DYNC1I1: variants seen among roughly 807,000 people sequenced by gnomAD.
DYNC1I1 encodes cytoplasmic dynein 1 intermediate chain 1.
In DYNC1I1, 43 loss-of-function variants were observed where a neutral mutation model predicts 86.6. The ratio of observed to expected loss-of-function variants is 0.50; its 90% CI spans 0.39 to 0.64. DYNC1I1 has a LOEUF of 0.64. Ranked by LOEUF, DYNC1I1 falls within the 30% of genes least tolerant of loss-of-function variation. The probability of loss-of-function intolerance (pLI) is 0.00; values close to 1 mark genes in which losing one functional copy is unlikely to be tolerated. For missense variants in DYNC1I1, 604 were observed against 788.8 expected, an observed-to-expected ratio of 0.77 and a Z score of 2.81; for synonymous variants, 262 against 283.7, an observed-to-expected ratio of 0.92 and a Z score of 0.77.
rs140823223 is a variant in DYNC1I1 at position 95,933,651 on chromosome 7, A to G, written c.491-43861A>G. On this transcript the variant is annotated intron_variant, in intron 6 of 16. Coordinates refer to ENST00000447467, the MANE Select transcript of DYNC1I1 (RefSeq NM_001135556.2). Reference sequence around the variant, plus strand: ...CATTTCTGTTCATGATAGACACACCATTTGAATCCAAACCCTTGCAGAGGT... The same window carrying G: ...CATTTCTGTTCATGATAGACACACCGTTTGAATCCAAACCCTTGCAGAGGT... Among the ~76,000 whole-genome samples the G allele has an allele frequency of 7.2e-3, 1,090 of 152,248 alleles. 14 individuals are homozygous for G. The highest frequency in any genetic ancestry group is 0.024 in the African/African-American group (1,014 of 41,548).
At chr7:95,902,955 A>G (rs1382324196) in intron 6 of DYNC1I1, among the ~76,000 whole-genome samples, 1 of 152,182 alleles carries the variant, frequency 6.6e-6, no homozygotes, top group African/African-American at 2.4e-5. Flanking sequence ...TAGTTGGTCC[A>G]GTGTTTTTGT....
At chr7:95,807,338 C>A (rs1350176880) in intron 2 of DYNC1I1, among the ~76,000 whole-genome samples, 1 of 152,046 alleles carries the variant, frequency 6.6e-6, no homozygotes, top group Non-Finnish European at 1.5e-5. Context: ...TAGAGCCAGG[C>A]CCCCTTTATC....
intron 6 of DYNC1I1, among the ~76,000 whole-genome samples, chr7:95,872,578 T>A (rs1359900031): frequency 6.6e-6 from 1 of 152,140 alleles, no homozygotes; most frequent in African/African-American, 2.4e-5. Flanking sequence ...ATTCTCATCA[T>A]AGTAAGTATT....
intron 16 of DYNC1I1, among the ~76,000 whole-genome samples, chr7:96,091,575 TA>T (rs1471223911): frequency 6.6e-6 from 1 of 152,114 alleles, no homozygotes; most frequent in Non-Finnish European, 1.5e-5. Flanking sequence ...AAAAGAAAAC[TA>T]AAGTAAGCAA....
intron 16 of DYNC1I1, among the ~76,000 whole-genome samples, chr7:96,094,020 G>A (rs375869017): frequency 6.6e-6 from 1 of 152,082 alleles, no homozygotes. Context: ...CAGATATCAG[G>A]AAATGTTACA....
intron 1 of DYNC1I1, among the ~76,000 whole-genome samples, chr7:95,779,022 A>G (rs1479842313): frequency 2.0e-5 from 3 of 152,096 alleles, no homozygotes; most frequent in Non-Finnish European, 4.4e-5. Context: ...TCCAGGGGAC[A>G]TTTGACAATG....
chr7:95,912,337 C>A (rs559730676), intron 6 of DYNC1I1, among the ~76,000 whole-genome samples: 1 of 152,290 alleles, frequency 6.6e-6, no homozygotes, highest in Admixed American at 6.5e-5. Flanking sequence ...ATGCCTGGCC[C>A]ACTTGAACAT....
chr7:95,895,735 T>C (rs1790866566), intron 6 of DYNC1I1, among the ~76,000 whole-genome samples: 1 of 151,982 alleles, frequency 6.6e-6, no homozygotes, highest in Admixed American at 6.6e-5. Context: ...AAAAAAAAAG[T>C]GAGAAATGGC....
chr7:95,941,382 T>C (rs550368064), intron 6 of DYNC1I1, among the ~76,000 whole-genome samples: 335 of 152,182 alleles, frequency 2.2e-3, no homozygotes, highest in Non-Finnish European at 3.6e-3. Flanking sequence ...TCTTTTTGTT[T>C]GTCTGTGCCC....
At chr7:95,871,049 A>G (rs567518674) in intron 6 of DYNC1I1, among the ~76,000 whole-genome samples, 1 of 152,224 alleles carries the variant, frequency 6.6e-6, no homozygotes, top group East Asian at 1.9e-4. Context: ...TACCGGAAAT[A>G]TAAAAATCAG....
At chr7:95,876,966 A>G (rs781675727) in intron 6 of DYNC1I1, among the ~76,000 whole-genome samples, 49 of 152,330 alleles carry the variant, frequency 3.2e-4, no homozygotes, top group Admixed American at 1.1e-3. Context: ...AAAGAAAAAC[A>G]TTTATCTAAT....
At chr7:95,908,351 T>C (rs1376864278) in intron 6 of DYNC1I1, among the ~76,000 whole-genome samples, 1 of 152,170 alleles carries the variant, frequency 6.6e-6, no homozygotes, top group African/African-American at 2.4e-5. Flanking sequence ...GAGCTGTAGA[T>C]TTAACATCTA....
At chr7:96,007,204 C>CA in intron 10 of DYNC1I1, among the ~76,000 whole-genome samples, 1 of 152,164 alleles carries the variant, frequency 6.6e-6, no homozygotes, top group South Asian at 2.1e-4. Context: ...GGAATAATGG[C>CA]AAAATAAATG....
Position 95,862,660 on chromosome 7 carries a change from A to T in DYNC1I1, c.375-7223A>T, listed in dbSNP as rs544412118. Among the ~76,000 whole-genome samples the T allele has an allele frequency of 5.3e-5, 8 of 152,300 alleles. No individual in the cohort carries two copies. The South Asian group carries it at 1.7e-3, about 32-fold the overall frequency. On this transcript the variant is annotated intron_variant, in intron 5 of 16. Coordinates refer to ENST00000447467, the MANE Select transcript of DYNC1I1 (RefSeq NM_001135556.2). ...AATTTGACAGGTCCTCAAAAAGTTA[A>T]ATATATAATCACCTGCCATGTGACC...
At chr7:96,083,643 G>A (rs538140067) in intron 16 of DYNC1I1, among the ~76,000 whole-genome samples, 2 of 152,232 alleles carry the variant, frequency 1.3e-5, no homozygotes, top group South Asian at 4.2e-4. Context: ...TGGCAGGGTG[G>A]CACATTTGGA....
At chr7:95,787,736 C>CA (rs776037412) in intron 1 of DYNC1I1, among the ~76,000 whole-genome samples, 17 of 151,926 alleles carry the variant, frequency 1.1e-4, no homozygotes, top group Admixed American at 2.6e-4. Flanking sequence ...AGACAAACAA[C>CA]AAAAAATACT....
rs199539341 is a variant in DYNC1I1, at chr7:96,064,218, C to A, written c.1510-11839C>A. On this transcript the variant is annotated intron_variant, in intron 14 of 16. Transcript: ENST00000447467. ...TGGAAAGAAATATTCATATCTCTCTCTCTCTCTCTCTCTCTCTCTCTCTCT... is the reference window on the plus strand; with the variant it reads ...TGGAAAGAAATATTCATATCTCTCTATCTCTCTCTCTCTCTCTCTCTCTCT... 1.4e-3 allele frequency among the ~76,000 whole-genome samples: 103 copies of A among 75,926 alleles called. No homozygotes were observed. In the East Asian group the frequency reaches 0.043, roughly 32 times the overall value. The allele number at this position is 75,926 out of a possible 152,430, so 49.8% of individuals were successfully genotyped here.
At chr7:96,061,799 C>A (rs963101870) in intron 14 of DYNC1I1, among the ~76,000 whole-genome samples, 1 of 151,430 alleles carries the variant, frequency 6.6e-6, no homozygotes, top group Non-Finnish European at 1.5e-5. Flanking sequence ...TTTAAAATCT[C>A]AGCTAATGAC....
intron 5 of DYNC1I1, among the ~76,000 whole-genome samples, chr7:95,831,325 T>TTGGTAGAA (rs534152199): frequency 4.4e-4 from 67 of 152,230 alleles, no homozygotes; most frequent in African/African-American, 1.6e-3. Flanking sequence ...AGAACACAAT[T>TTGGTAGAA]CACCTATGAA....
Sources: allele counts gnomAD v4.1 joint callset (sites outside exome capture counted in the v4.1 genomes callset), GRCh38; gene constraint gnomAD v4.1.1; transcripts MANE v1.5; gene names NCBI Gene and HGNC (gene_info 2026-07-23, HGNC 2026-07-21).